The following ADGRF5 variants were observed in gnomAD, a reference collection of about 807,000 sequenced individuals.
ADGRF5 encodes the protein G-protein coupled receptor 116.
Under a neutral mutation model 132.3 loss-of-function variants are expected in ADGRF5, and 75 were observed. The observed-to-expected ratio is 0.57, with a 90% CI of 0.47 to 0.69. The LOEUF is 0.69. Ranked by LOEUF, ADGRF5 falls within the 30% of genes least tolerant of loss-of-function variation. The pLI, the probability that ADGRF5 is intolerant of heterozygous loss-of-function variation, is 0.00. For synonymous variants in ADGRF5, 629 were observed against 597.6 expected (o/e 1.05, Z -0.77); for missense variants, 1,516 against 1,630.6 (o/e 0.93, Z 1.21).
At chr6:46,897,298 T>C (rs141787995) in intron 3 of ADGRF5, among the ~76,000 whole-genome samples, 163 of 151,866 alleles carry the variant, frequency 1.1e-3, no homozygotes, top group Admixed American at 8.9e-3. Flanking sequence ...CTATTCCAAA[T>C]GCTAAAGATT....
chr6:46,944,943 C>T (rs752634768), intron 1 of ADGRF5, among the ~76,000 whole-genome samples: 43 of 152,262 alleles, frequency 2.8e-4, no homozygotes, highest in Non-Finnish European at 5.3e-4. Context: ...TCTGTGGCCA[C>T]CATTGTTCCC....
intron 1 of ADGRF5, among the ~76,000 whole-genome samples, chr6:46,946,209 A>T (rs572167891): frequency 1.3e-5 from 2 of 152,174 alleles, no homozygotes; most frequent in Admixed American, 1.3e-4. Context: ...CCTGTAAAAA[A>T]CAACTGAGAA....
chr6:46,932,943 A>G (rs1422536173), intron 1 of ADGRF5, among the ~76,000 whole-genome samples: 1 of 152,254 alleles, frequency 6.6e-6, no homozygotes, highest in Admixed American at 6.5e-5. Flanking sequence ...AGACTGGCCG[A>G]CGCCAGTGTC....
chr6:46,882,019 T>C lies in ADGRF5; in HGVS notation c.671+30A>G, dbSNP rs746750039. The C allele has an allele frequency of 2.0e-6, 3 of 1,505,960 alleles. No homozygotes were observed. The South Asian group carries it at 3.4e-5, about 17-fold the overall frequency. 93.3% of individuals were successfully genotyped at this position (1,505,960 alleles called of 1,614,324 possible). On this transcript the variant is annotated intron_variant, in intron 7 of 20. Transcript: ENST00000283296. ...CTACCATATGGATCCCAGCCATAAA[T>C]TAGAAATGATCAAATTAAAGTATTC...
At position 46,858,622 on chromosome 6, in the gene ADGRF5, TGGATGAAGAAGGTGGCAGCCACACA is replaced by T. The variant is rs1163992270; in HGVS notation, c.3256_3280del (p.Cys1086ThrfsTer12). 1.9e-6 allele frequency: 3 copies of T among 1,613,794 alleles called. No individual in the cohort carries two copies. Among genetic ancestry groups the T allele is most frequent in the Non-Finnish European group, 2.5e-6 (3 of 1,179,946 alleles). On this transcript the variant is annotated frameshift_variant, in exon 17 of 21. Transcript: ENST00000283296. LOFTEE classifies it high-confidence loss of function. ...GAAGAAGACGCTGAGGTAGAAGAAGTGGATGAAGAAGGTGGCAGCCACACAGGCTGTCTTGCAGAGTATGTAGCGA... is the reference window on the plus strand; with the variant it reads ...GAAGAAGACGCTGAGGTAGAAGAAGTGGCTGTCTTGCAGAGTATGTAGCGA...
chr6:46,927,473 C>T (rs950561234), intron 1 of ADGRF5, among the ~76,000 whole-genome samples: 2 of 151,946 alleles, frequency 1.3e-5, no homozygotes, highest in Admixed American at 6.6e-5. Flanking sequence ...TGGTGAACCC[C>T]CAGCCCCCAC....
intron 13 of ADGRF5, among the ~76,000 whole-genome samples, chr6:46,866,673 C>A (rs1770480891): frequency 6.6e-6 from 1 of 151,710 alleles, no homozygotes; most frequent in Admixed American, 6.6e-5. Context: ...GAAGGTATCT[C>A]AATACTTTCT....
chr6:46,871,700 T>C, intron 11 of ADGRF5, 143 bp downstream of exon 11: 1 of 482,478 alleles, frequency 2.1e-6, no homozygotes. Flanking sequence ...CTTTTCTATC[T>C]CCCATTGTGT....
chr6:46,913,508 AAAAG>A (rs970229830), intron 1 of ADGRF5, among the ~76,000 whole-genome samples: 17 of 152,020 alleles, frequency 1.1e-4, no homozygotes, highest in Admixed American at 4.6e-4. Context: ...TCAAAAAAAA[AAAAG>A]AAGAAGAAGA....
At chr6:46,910,143 C>G (rs527847151) in intron 1 of ADGRF5, among the ~76,000 whole-genome samples, 1 of 152,308 alleles carries the variant, frequency 6.6e-6, no homozygotes, top group East Asian at 1.9e-4. Flanking sequence ...TGTCTCAGAG[C>G]TCAGAGGTGG....
chr6:46,858,878 C>T lies in ADGRF5; in HGVS notation c.3025G>A (p.Gly1009Arg). The change falls in exon 17 of 21, where the codon GGA becomes AGA. Residue 1009 changes from glycine to arginine, a missense_variant. Transcript: ENST00000283296. The part of the protein sequence containing the change: ...PDSPDPSSLL[G>R]ILLDIISYVG... ...TAAGAAATAATATCCAGGAGTATTC[C>T]CAGGAGAGAACTAGGATCTGGGGAG... 1 of 1,614,026 alleles carries T rather than the reference C, an allele frequency of 6.2e-7. No individual in the cohort carries two copies. Among genetic ancestry groups the T allele is most frequent in the South Asian group, 1.1e-5 (1 of 91,072 alleles).
chr6:46,954,604 G>A (rs1778652463), intron 1 of ADGRF5: 1 of 152,258 alleles, frequency 6.6e-6, no homozygotes, highest in Non-Finnish European at 1.5e-5. Flanking sequence ...TTGTAAATCA[G>A]TAAATCTCCA....
chr6:46,888,351 G>A lies in ADGRF5; in HGVS notation c.312C>T (p.Ser104=), dbSNP rs775510399. The A allele has an allele frequency of 6.2e-7, 1 of 1,608,706 alleles. No homozygotes were observed. The highest frequency in any genetic ancestry group is 1.3e-5 in the African/African-American group (1 of 74,886). The change falls in exon 4 of 21, where the codon AGC becomes AGT. Residue 104 remains serine, a synonymous_variant. Transcript: ENST00000283296. ...CTTACTCACCTGTTGTCACATTTAT[G>A]CTCAAAATGTCGGTAATTTGGTCAG... ...NNTDQITDIL[S]INVTTVCRPA... is the part of the protein sequence containing the mutation.
At chr6:46,915,596 C>G (rs1392656149) in intron 1 of ADGRF5, among the ~76,000 whole-genome samples, 3 of 152,144 alleles carry the variant, frequency 2.0e-5, no homozygotes, top group Non-Finnish European at 4.4e-5. Context: ...CATTCCATCT[C>G]TCTGAGAAAT....
intron 9 of ADGRF5, 84 bp downstream of exon 9, chr6:46,879,734 A>G: frequency 2.2e-6 from 2 of 918,108 alleles, no homozygotes; most frequent in South Asian, 2.8e-5. Context: ...CTATCTACAT[A>G]GCTACGTAAA....
intron 2 of ADGRF5, among the ~76,000 whole-genome samples, chr6:46,906,173 A>G (rs941222853): frequency 4.6e-5 from 7 of 152,246 alleles, no homozygotes; most frequent in Admixed American, 3.9e-4. Flanking sequence ...TATGATGTCT[A>G]TGGTCCCTTC....
intron 13 of ADGRF5, 80 bp downstream of exon 13, chr6:46,866,845 A>C (rs1770508550): frequency 1.3e-6 from 1 of 785,582 alleles, no homozygotes; most frequent in Admixed American, 2.1e-5. Flanking sequence ...ATGTCTCTTG[A>C]TCCCTATTTT....
intron 4 of ADGRF5, among the ~76,000 whole-genome samples, chr6:46,885,107 T>C (rs550967482): frequency 6.6e-6 from 1 of 150,512 alleles, no homozygotes; most frequent in African/African-American, 2.5e-5. Context: ...GGTGGGAGGA[T>C]TGCTTGAGCC....
intron 16 of ADGRF5, among the ~76,000 whole-genome samples, 157 bp downstream of exon 16, chr6:46,860,558 C>T (rs1312317118): frequency 1.3e-5 from 2 of 152,118 alleles, no homozygotes; most frequent in Admixed American, 6.5e-5. Context: ...GAAACATTTC[C>T]TAATATCCTA....
Sources: allele counts gnomAD v4.1 joint callset (sites outside exome capture counted in the v4.1 genomes callset), GRCh38; gene constraint gnomAD v4.1.1; transcripts MANE v1.5; gene names NCBI Gene and HGNC (gene_info 2026-07-23, HGNC 2026-07-21).